Variants in TENM3 observed in about 807,000 individuals in gnomAD.
TENM3 encodes the protein teneurin transmembrane protein 3.
Under a neutral mutation model 255.1 loss-of-function variants are expected in TENM3, and 63 were observed. That is an observed-to-expected ratio of 0.25 (90% CI 0.20 to 0.30). The LOEUF (loss-of-function observed/expected upper bound fraction) is 0.30, where lower values mean the gene tolerates loss of function less well. Ranked by LOEUF, TENM3 falls within the 10% of genes least tolerant of loss-of-function variation. TENM3 has a pLI of 1.00. For missense variants in TENM3, 2,929 were observed against 3,461.1 expected (o/e 0.85, Z 3.86); for synonymous variants, 1,306 against 1,322.3 (o/e 0.99, Z 0.27).
chr4:182,013,450 A>G, the TENM3 span, among the ~76,000 whole-genome samples: 1 of 152,210 alleles, frequency 6.6e-6, no homozygotes, highest in African/African-American at 2.4e-5. Context: ...TGACAGAAGA[A>G]TATCAGTACC....
chr4:182,713,731 G>A (rs916193856), intron 12 of TENM3, among the ~76,000 whole-genome samples: 1 of 152,034 alleles, frequency 6.6e-6, no homozygotes, highest in Non-Finnish European at 1.5e-5. Flanking sequence ...TCTAGACTAG[G>A]GATTCTGAAA....
intron 17 of TENM3, among the ~76,000 whole-genome samples, chr4:182,737,851 A>G (rs1761290877): frequency 6.6e-6 from 1 of 152,092 alleles, no homozygotes; most frequent in Non-Finnish European, 1.5e-5. Flanking sequence ...TCCCTGTTTC[A>G]TTGTGAACTC....
chr4:181,658,440 C>T, the TENM3 span, among the ~76,000 whole-genome samples: 1 of 152,142 alleles, frequency 6.6e-6, no homozygotes, highest in African/African-American at 2.4e-5. Flanking sequence ...CAACCTGAAA[C>T]TTCTCTTAGC....
chr4:182,451,996 G>A (rs1219114365), intron 3 of TENM3, among the ~76,000 whole-genome samples: 1 of 152,174 alleles, frequency 6.6e-6, no homozygotes, highest in African/African-American at 2.4e-5. Context: ...TTATTTTATA[G>A]TAACTTTGCC....
intron 3 of TENM3, among the ~76,000 whole-genome samples, chr4:182,457,078 G>A (rs964137572): frequency 1.9e-4 from 29 of 151,860 alleles, no homozygotes; most frequent in African/African-American, 4.8e-4. Flanking sequence ...CCAGCTACTC[G>A]GAAGGCTGAG....
intron 5 of TENM3, among the ~76,000 whole-genome samples, chr4:182,650,803 T>C (rs1029464795): frequency 7.3e-6 from 1 of 136,348 alleles, no homozygotes; most frequent in Non-Finnish European, 1.7e-5. Context: ...ATTAAAGAGA[T>C]AATATTTCTG....
chr4:182,383,097 G>A (rs569186918), intron 3 of TENM3, among the ~76,000 whole-genome samples: 16 of 152,318 alleles, frequency 1.1e-4, no homozygotes, highest in African/African-American at 3.4e-4. Context: ...ATTATGGAAC[G>A]AGTGGGGATT....
chr4:181,895,532 ATTTTTTTTTTTT>A, the TENM3 span, among the ~76,000 whole-genome samples: 1 of 41,466 alleles, frequency 2.4e-5, no homozygotes, highest in African/African-American at 9.3e-5. Context: ...TATCTGGCTG[ATTTTTTTTTTTT>A]TTTTTTTTTT....
intron 3 of TENM3, among the ~76,000 whole-genome samples, chr4:182,504,674 T>A (rs140253418): frequency 6.6e-6 from 1 of 152,204 alleles, no homozygotes; most frequent in Non-Finnish European, 1.5e-5. Context: ...TGAATACATA[T>A]GGCGTTCGTA....
At chr4:182,010,016 C>T in the TENM3 span, among the ~76,000 whole-genome samples, 2 of 152,142 alleles carry the variant, frequency 1.3e-5, no homozygotes, top group Non-Finnish European at 2.9e-5. Context: ...CTCCGTGGGT[C>T]CCGCCAGCTT....
intron 1 of TENM3, among the ~76,000 whole-genome samples, chr4:182,170,916 G>A (rs1449129341): frequency 1.3e-5 from 2 of 151,956 alleles, no homozygotes; most frequent in Non-Finnish European, 2.9e-5. Context: ...TATCTAATGC[G>A]ACTTTTGATG....
At chr4:181,466,914 CCTCT>C in the TENM3 span, among the ~76,000 whole-genome samples, 1 of 151,036 alleles carries the variant, frequency 6.6e-6, no homozygotes, top group African/African-American at 2.4e-5. Context: ...CTCCTTGTCA[CCTCT>C]CTCAAACTTT....
the TENM3 span, among the ~76,000 whole-genome samples, chr4:182,132,371 C>T: frequency 1.6e-4 from 24 of 152,016 alleles, no homozygotes; most frequent in Non-Finnish European, 3.2e-4. Context: ...GTAATCCCAG[C>T]TACTTGGGAG....
chr4:181,926,089 A>G, the TENM3 span, among the ~76,000 whole-genome samples: 1 of 152,234 alleles, frequency 6.6e-6, no homozygotes, highest in Non-Finnish European at 1.5e-5. Context: ...GTTCTATAGA[A>G]TATGCAGCCA....
chr4:182,651,352 A>G (rs1245978220), intron 5 of TENM3, among the ~76,000 whole-genome samples: 1 of 152,096 alleles, frequency 6.6e-6, no homozygotes, highest in Non-Finnish European at 1.5e-5. Context: ...CATGATGACA[A>G]CTTGTAAATT....
rs1355096676 is a variant in TENM3, at chr4:182,796,639, G to A, written c.7216G>A (p.Val2406Ile). 1.2e-6 allele frequency: 2 copies of A among 1,605,384 alleles called. No homozygotes were observed. The highest frequency in any genetic ancestry group is 1.3e-5 in the African/African-American group (1 of 74,848). Residue 2406 changes from valine (V) to isoleucine (I), a missense_variant and splice_region_variant, in exon 27 of 28, where the codon GTT becomes ATT. Coordinates refer to ENST00000511685, the MANE Select transcript of TENM3 (RefSeq NM_001080477.4). The part of the protein sequence containing the change: ...IHDVKDYITD[V>I]NSWLVTFGFH... ...CATTCTGAACATTCTTCTCCTAGATGTTAACAGCTGGCTGGTGACATTTGG... is the reference window on the plus strand; with the variant it reads ...CATTCTGAACATTCTTCTCCTAGATATTAACAGCTGGCTGGTGACATTTGG...
the TENM3 span, among the ~76,000 whole-genome samples, chr4:181,675,471 TAAAC>T: frequency 1.6e-3 from 237 of 152,220 alleles, no homozygotes; most frequent in Non-Finnish European, 2.8e-3. Flanking sequence ...ATTTGGGAAA[TAAAC>T]ATTAATTAGA....
At chr4:182,105,928 C>T in the TENM3 span, among the ~76,000 whole-genome samples, 3 of 152,230 alleles carry the variant, frequency 2.0e-5, no homozygotes, top group Non-Finnish European at 4.4e-5. Flanking sequence ...GGCTTCACCA[C>T]TGTGCCATGT....
At chr4:182,561,022 A>T (rs1314146643) in intron 3 of TENM3, among the ~76,000 whole-genome samples, 1 of 152,170 alleles carries the variant, frequency 6.6e-6, no homozygotes, top group Non-Finnish European at 1.5e-5. Context: ...GCACGGTTTA[A>T]TTTGAGGAAC....
Sources: allele counts gnomAD v4.1 joint callset (sites outside exome capture counted in the v4.1 genomes callset), GRCh38; gene constraint gnomAD v4.1.1; transcripts MANE v1.5; gene names NCBI Gene and HGNC (gene_info 2026-07-23, HGNC 2026-07-21).